The following NBPF26 variants were observed in gnomAD, a reference collection of about 807,000 sequenced individuals.
NBPF26 encodes NBPF member 26, also known as NBPF family member NBPF26.
NBPF26 carries 79 observed loss-of-function variants against 119.6 expected under a neutral mutation model. The observed-to-expected ratio is 0.66, with a 90% confidence interval of 0.55 to 0.80. The LOEUF (loss-of-function observed/expected upper bound fraction) is 0.80. Among genes scored for constraint, NBPF26 ranks in the 30% least tolerant of loss-of-function variants. The pLI, the probability that NBPF26 is intolerant of heterozygous loss-of-function variation, is 0.00. For synonymous variants in NBPF26, 299 were observed against 457.7 expected (o/e 0.65, Z 4.43); for missense variants, 800 against 1,198.2 (o/e 0.67, Z 4.91).
At position 120,833,651 on chromosome 1, in the gene NBPF26, C is replaced by CT; in HGVS notation, c.3421dup (p.Ser1141PhefsTer4). ...AGAAAGGGCCTGAAGTCTTGCAGGA[C>CT]TCACTGGATAGATGTTATTCAACTC... On this transcript the variant is annotated frameshift_variant, in exon 24 of 30. Transcript: ENST00000620612. LOFTEE classifies it high-confidence loss of function. 1 of 573,410 alleles carries CT rather than the reference C, an allele frequency of 1.7e-6. No individual in the cohort carries two copies. Among genetic ancestry groups the CT allele is most frequent in the South Asian group, 1.8e-5 (1 of 55,624 alleles). 35.5% of individuals were successfully genotyped at this position (573,410 alleles called of 1,614,324 possible).
At chr1:120,795,786 C>G (rs1462098309) in intron 4 of NBPF26, among the ~76,000 whole-genome samples, 1 of 2,432 alleles carries the variant, frequency 4.1e-4, no homozygotes, top group South Asian at 8.8e-3. Flanking sequence ...CATCTGCTTC[C>G]TGAAAGCACT....
intron 10 of NBPF26, among the ~76,000 whole-genome samples, chr1:120,812,861 T>G (rs1651902264): frequency 9.1e-6 from 1 of 109,622 alleles, no homozygotes; most frequent in Admixed American, 8.9e-5. Flanking sequence ...AGGCTGAGGT[T>G]GCAGTGAGCC....
intron 1 of NBPF26, among the ~76,000 whole-genome samples, chr1:120,752,554 AT>A (rs1188849971): frequency 2.7e-3 from 10 of 3,744 alleles, no homozygotes; most frequent in African/African-American, 3.4e-3. Context: ...ATATATATAT[AT>A]TTTTTTTTTT....
chr1:120,790,585 TTTCTTTC>T (rs1651479783), intron 3 of NBPF26, among the ~76,000 whole-genome samples: 3 of 104,814 alleles, frequency 2.9e-5, no homozygotes, highest in Non-Finnish European at 3.5e-5. Context: ...TCTTTCTTTC[TTTCTTTC>T]TCTTTCTCTC....
Position 120,805,773 on chromosome 1 carries a change from C to T in NBPF26, c.961+8C>T. ...ACCGACAGAAGAAATACAGTAAGAT[C>T]TATAGGCTCACCATCATGAAAGTGA... On this transcript the variant is annotated splice_region_variant and intron_variant, in intron 5 of 29. Transcript: ENST00000620612. The T allele has an allele frequency of 7.3e-7, 1 of 1,370,740 alleles. No homozygotes were observed. The highest frequency in any genetic ancestry group is 2.5e-4 in the Middle Eastern group (1 of 4,032). The allele number at this position is 1,370,740 out of a possible 1,614,324, so 84.9% of individuals were successfully genotyped here. A position where few individuals can be genotyped will look rare whatever the true frequency, so the allele number is the denominator to read the frequency against.
Position 120,767,711 on chromosome 1 carries a change from T to C in NBPF26, c.155+4002T>C, listed in dbSNP as rs1268543357. Among the ~76,000 whole-genome samples the C allele has an allele frequency of 2.0e-3, 230 of 114,912 alleles. 39 individuals carry two copies. In the East Asian group the frequency reaches 0.03, roughly 15 times the overall value. The allele number at this position is 114,912 out of a possible 152,430, so 75.4% of individuals were successfully genotyped here. A position where few individuals can be genotyped will look rare whatever the true frequency, so the allele number is the denominator to read the frequency against. ...GGTGTAAATATGTAATTAAATTTGA[T>C]GTCATTAATCACTTTCAAGTTGTTG... is the stretch of plus-strand genomic sequence containing the variant. On this transcript the variant is annotated intron_variant, in intron 2 of 29. Transcript: ENST00000620612.
chr1:120,806,855 C>A (rs1651700314), intron 5 of NBPF26, among the ~76,000 whole-genome samples: 1 of 122,388 alleles, frequency 8.2e-6, no homozygotes. Flanking sequence ...ATAATACCTA[C>A]CTCTGTAAAT....
chr1:120,840,852 C>T, downstream of NBPF26: 1 of 519,080 alleles, frequency 1.9e-6, no homozygotes, highest in East Asian at 3.1e-5. Flanking sequence ...TAATTTGAAC[C>T]ACGTATCTCT....
chr1:120,790,535 C>CCTTCCTTTCTTT lies in NBPF26; in HGVS notation c.416-2623_416-2622insCCTTTCTTTCTT, dbSNP rs1256273353. ...TTGATTCTTTCTTTCTTTCTCCCTC[C>CCTTCCTTTCTTT]CTTTCTTTCTTTCTTTCTTTCTTTC... On this transcript the variant is annotated intron_variant, in intron 3 of 29. Transcript: ENST00000620612. Among the ~76,000 whole-genome samples, 62 of 76,714 alleles carry CCTTCCTTTCTTT rather than the reference C, an allele frequency of 8.1e-4. 2 individuals are homozygous for CCTTCCTTTCTTT. In the East Asian group the frequency reaches 0.017, roughly 22 times the overall value. The allele number at this position is 76,714 out of a possible 152,430, so 50.3% of individuals were successfully genotyped here.
chr1:120,730,625 G>T lies in NBPF26; in HGVS notation c.73+6375G>T. ...TTTTGGAGGAGAATATTATCTGTGT[G>T]GCAGAACATACATTGTGGTCTTAAA... On this transcript the variant is annotated intron_variant, in intron 1 of 29. Coordinates refer to ENST00000620612, the Ensembl canonical transcript of NBPF26. Among the ~76,000 whole-genome samples the T allele has an allele frequency of 1.7e-5, 2 of 114,638 alleles. 1 individual carries two copies. Among genetic ancestry groups the T allele is most frequent in the Non-Finnish European group, 3.3e-5 (2 of 60,382 alleles). 75.2% of individuals were successfully genotyped at this position (114,638 alleles called of 152,430 possible).
chr1:120,840,419 G>T lies in NBPF26; in HGVS notation c.4173G>T (p.Ser1391=). Residue 1391 remains serine, a synonymous_variant, in exon 30 of 30, where the codon TCG becomes TCT. Transcript: ENST00000620612. ...AGGACTCACTGGATATATGTTATTC[G>T]ACTCCGTCAATGTACTTTGAACTAC... is the stretch of plus-strand genomic sequence containing the variant. The T allele has an allele frequency of 2.0e-6, 3 of 1,466,936 alleles. 1 individual carries two copies. Among genetic ancestry groups the T allele is most frequent in the Admixed American group, 1.8e-5 (1 of 54,852 alleles). 90.9% of individuals were successfully genotyped at this position (1,466,936 alleles called of 1,614,324 possible). A position where few individuals can be genotyped will look rare whatever the true frequency, so the allele number is the denominator to read the frequency against.
At position 120,822,071 on chromosome 1, in the gene NBPF26, C is replaced by T. The variant is rs1652129682; in HGVS notation, c.2424-33C>T. 1.1e-5 allele frequency: 16 copies of T among 1,448,274 alleles called. 3 individuals are homozygous for T. The highest frequency in any genetic ancestry group is 5.0e-5 in the African/African-American group (2 of 39,958). The allele number at this position is 1,448,274 out of a possible 1,614,324, so 89.7% of individuals were successfully genotyped here. A position where few individuals can be genotyped will look rare whatever the true frequency, so the allele number is the denominator to read the frequency against. ...GTTGTCTAAAGTCTGTTGGTTAAAT[C>T]TTCTGTCATCCCTGTCCTGCCTGGC... On this transcript the variant is annotated intron_variant, in intron 15 of 29. Coordinates refer to ENST00000620612, the Ensembl canonical transcript of NBPF26.
chr1:120,764,078 C>T (rs1651162698), intron 2 of NBPF26, among the ~76,000 whole-genome samples: 1 of 109,454 alleles, frequency 9.1e-6, no homozygotes, highest in Admixed American at 9.0e-5. Context: ...GAAACCCTAT[C>T]TCTACTAAAA....
At position 120,812,079 on chromosome 1, in the gene NBPF26, C is replaced by A. The variant is rs1651882642; in HGVS notation, c.1758C>A (p.Asn586Lys). The change falls in exon 10 of 30, where the codon AAC (asparagine) becomes AAA (lysine). Residue 586 changes from asparagine to lysine, a missense_variant. By Grantham distance (94) the Asn-to-Lys change is moderately conservative. This residue lies in a region of NBPF26 where 72 missense variants were observed against 81.1 expected (regional missense o/e 0.89). Coordinates refer to ENST00000620612, the Ensembl canonical transcript of NBPF26. ...CTCAACTGGCCGGCTTCCTGGCCAACCAGCAGAACAAATACAGTAAGATCT... is the reference window on the plus strand; with the variant it reads ...CTCAACTGGCCGGCTTCCTGGCCAAACAGCAGAACAAATACAGTAAGATCT... 14 of 1,234,020 alleles carry A rather than the reference C, an allele frequency of 1.1e-5. 3 individuals are homozygous for A. The highest frequency in any genetic ancestry group is 2.5e-4 in the Middle Eastern group (1 of 4,050). 76.4% of individuals were successfully genotyped at this position (1,234,020 alleles called of 1,614,324 possible). A position where few individuals can be genotyped will look rare whatever the true frequency, so the allele number is the denominator to read the frequency against.
Position 120,801,818 on chromosome 1 carries a change from C to T in NBPF26, c.752-3738C>T, listed in dbSNP as rs1191679096. Among the ~76,000 whole-genome samples, 2 of 39,904 alleles carry T rather than the reference C, an allele frequency of 5.0e-5. 1 individual carries two copies. The highest frequency in any genetic ancestry group is 5.0e-4 in the African/African-American group (2 of 4,036). The allele number at this position is 39,904 out of a possible 152,430, so 26.2% of individuals were successfully genotyped here. ...CTCCAGCCTGGGTGACAGAACAAGA[C>T]CCTGTCTCAAAAAAAAAAAAAAAAA... On this transcript the variant is annotated intron_variant, in intron 4 of 29. Transcript: ENST00000620612.
chr1:120,804,236 G>A (rs1386926710), intron 4 of NBPF26, among the ~76,000 whole-genome samples: 1 of 81,800 alleles, frequency 1.2e-5, no homozygotes, highest in African/African-American at 1.0e-4. Context: ...CTCACAAAAC[G>A]TAGGTGGGGA....
rs1651156758 is a variant in NBPF26 at position 120,763,627 on chromosome 1, G to A, written c.74-1G>A. The stretch of plus-strand genomic sequence containing the variant: ...TAATGTGCATTTGTTTTTATTTTTA[G>A]CATTGCAGTGTCGAGATGGCTATGA... On this transcript the variant is annotated splice_acceptor_variant, in intron 1 of 29. Coordinates refer to ENST00000620612, the Ensembl canonical transcript of NBPF26. LOFTEE classifies it high-confidence loss of function. The A allele has an allele frequency of 1.5e-6, 2 of 1,355,794 alleles. No homozygotes were observed. Among genetic ancestry groups the A allele is most frequent in the African/African-American group, 5.8e-5 (2 of 34,584 alleles). 84.0% of individuals were successfully genotyped at this position (1,355,794 alleles called of 1,614,324 possible). A position where few individuals can be genotyped will look rare whatever the true frequency, so the allele number is the denominator to read the frequency against.
At chr1:120,813,009 T>G (rs1651910759) in intron 10 of NBPF26, among the ~76,000 whole-genome samples, 1 of 119,200 alleles carries the variant, frequency 8.4e-6, no homozygotes, top group South Asian at 2.5e-4. Context: ...AGTGAAGTCC[T>G]GCTTCCTGGG....
In NBPF26 at chr1:120,812,172, C is replaced by A. The variant is rs1159729556; in HGVS notation, c.1774+77C>A. 12 of 928,754 alleles carry A rather than the reference C, an allele frequency of 1.3e-5. No individual in the cohort carries two copies. The East Asian group carries it at 2.7e-4, about 21-fold the overall frequency. 57.5% of individuals were successfully genotyped at this position (928,754 alleles called of 1,614,324 possible). ...CTCTCTGAGACACTAAATGCTCTCT[C>A]CATCAAAAATAATGTCATCCTCCCC... On this transcript the variant is annotated intron_variant, in intron 10 of 29. Transcript: ENST00000620612.
Sources: allele counts gnomAD v4.1 joint callset (sites outside exome capture counted in the v4.1 genomes callset), GRCh38; gene constraint gnomAD v4.1.1; regional missense constraint gnomAD v4.1.1; transcripts MANE v1.5; gene names NCBI Gene and HGNC (gene_info 2026-07-23, HGNC 2026-07-21).